CALCOCO1: variants seen among roughly 807,000 people sequenced by gnomAD.
The protein encoded by CALCOCO1 is calcium-binding and coiled-coil domain-containing protein 1.
CALCOCO1 carries 44 observed loss-of-function variants against 86.3 expected under a neutral mutation model. That is an observed-to-expected ratio of 0.51 (90% CI 0.40 to 0.66). CALCOCO1 has a LOEUF of 0.66. Among genes scored for constraint, CALCOCO1 ranks in the 30% least tolerant of loss-of-function variants. CALCOCO1 has a pLI of 0.00. For missense variants in CALCOCO1, 708 were observed against 851.1 expected, an observed-to-expected ratio of 0.83 and a Z score of 2.09; for synonymous variants, 297 against 327.6, an observed-to-expected ratio of 0.91 and a Z score of 1.01.
In CALCOCO1 at chr12:53,715,229, C is replaced by G. The variant is rs374769405; in HGVS notation, c.1357G>C (p.Glu453Gln). 43 of 1,614,060 alleles carry G rather than the reference C, an allele frequency of 2.7e-5. No individual in the cohort carries two copies. The highest frequency in any genetic ancestry group is 3.6e-5 in the Non-Finnish European group (43 of 1,180,028). The change falls in exon 10 of 15, where the codon GAG becomes CAG. Residue 453 changes from glutamate to glutamine, a missense_variant. Glu to Gln is a conservative substitution (Grantham distance 29, BLOSUM62 2). Coordinates refer to ENST00000550804, the MANE Select transcript of CALCOCO1 (RefSeq NM_020898.3). ...CTAGAATCCTTCTCCCGGGCCAGCTCAGTCTTGAACACTTGGTTTTGGGTC... is the reference window on the plus strand; with the variant it reads ...CTAGAATCCTTCTCCCGGGCCAGCTGAGTCTTGAACACTTGGTTTTGGGTC... ...ERTQNQVFKT[E>Q]LAREKDSSLV...
intron 14 of CALCOCO1, chr12:53,712,872 A>AG (rs1195475165): frequency 6.8e-7 from 1 of 1,477,592 alleles, no homozygotes; most frequent in Non-Finnish European, 9.0e-7. Flanking sequence ...AGCCAGTTAA[A>AG]GGCAGGACCT....
At position 53,717,346 on chromosome 12, in the gene CALCOCO1, C is replaced by T. The variant is rs151074743; in HGVS notation, c.850-931G>A. ...CCTCCCAAAATGTTGGGATTACAGGCGTGGGCCACTACACCTGGCCATAAG... is the reference window on the plus strand; with the variant it reads ...CCTCCCAAAATGTTGGGATTACAGGTGTGGGCCACTACACCTGGCCATAAG... On this transcript the variant is annotated intron_variant, in intron 7 of 14. Transcript: ENST00000550804. Among the ~76,000 whole-genome samples, 216 of 152,336 alleles carry T rather than the reference C, an allele frequency of 1.4e-3. 2 individuals are homozygous for T. The highest frequency in any genetic ancestry group is 4.9e-3 in the African/African-American group (203 of 41,582).
At chr12:53,713,929 A>C in intron 12 of CALCOCO1, 29 bp from the exon 13 acceptor site, 1 of 1,519,554 alleles carries the variant, frequency 6.6e-7, no homozygotes, top group Non-Finnish European at 8.8e-7. Context: ...GCAGAGAAGA[A>C]AAAAGGATGT....
intron 7 of CALCOCO1, among the ~76,000 whole-genome samples, chr12:53,719,130 C>CCA (rs918297536): frequency 2.6e-5 from 4 of 151,618 alleles, no homozygotes; most frequent in Admixed American, 6.6e-5. Context: ...CAGGCATGAG[C>CCA]CACTGTGCCT....
intron 9 of CALCOCO1, 33 bp from the exon 10 acceptor site, chr12:53,715,358 T>C: frequency 6.2e-7 from 1 of 1,613,202 alleles, no homozygotes; most frequent in Non-Finnish European, 8.5e-7. Flanking sequence ...AATGGGAGGG[T>C]GGAGGGGGAA....
intron 10 of CALCOCO1, among the ~76,000 whole-genome samples, chr12:53,714,958 G>A (rs889269206): frequency 1.3e-5 from 2 of 152,118 alleles, no homozygotes; most frequent in Non-Finnish European, 2.9e-5. Context: ...CAGAGGCCTT[G>A]GTCATACCAA....
At chr12:53,725,337 CACACTCA>C in intron 1 of CALCOCO1, 71 bp from the exon 2 acceptor site, 5 of 1,018,510 alleles carry the variant, frequency 4.9e-6, no homozygotes, top group South Asian at 3.5e-5. Flanking sequence ...TCCAGCACCA[CACACTCA>C]CAGCCCCTGC....
intron 6 of CALCOCO1, 126 bp from the exon 7 acceptor site, chr12:53,719,955 T>A: frequency 1.7e-6 from 1 of 574,568 alleles, no homozygotes; most frequent in Admixed American, 3.1e-5. Flanking sequence ...CTGGGATGCA[T>A]AAATCCCCAA....
chr12:53,717,480 A>C (rs1179013732), intron 7 of CALCOCO1, among the ~76,000 whole-genome samples: 1 of 152,124 alleles, frequency 6.6e-6, no homozygotes, highest in Non-Finnish European at 1.5e-5. Context: ...TATCTCAAAC[A>C]CTTCACCCGC....
At chr12:53,725,040 C>A in intron 2 of CALCOCO1, 47 bp downstream of exon 2, 1 of 1,521,988 alleles carries the variant, frequency 6.6e-7, no homozygotes, top group South Asian at 1.3e-5. Context: ...CTTATTCCAA[C>A]CAACTCACAG....
chr12:53,718,190 CA>C (rs1945778549), intron 7 of CALCOCO1, among the ~76,000 whole-genome samples: 1 of 151,894 alleles, frequency 6.6e-6, no homozygotes, highest in Non-Finnish European at 1.5e-5. Context: ...GCAAGGTGGA[CA>C]GTTTAAAAAT....
chr12:53,727,049 C>A (rs567217823), intron 1 of CALCOCO1, among the ~76,000 whole-genome samples: 3 of 152,070 alleles, frequency 2.0e-5, no homozygotes, highest in Admixed American at 1.3e-4. Context: ...AGGGATTCAG[C>A]GTCGTAAAGG....
chr12:53,722,248 A>C, intron 4 of CALCOCO1, 65 bp from the exon 5 acceptor site: 1 of 1,581,844 alleles, frequency 6.3e-7, no homozygotes. Flanking sequence ...TCCCATCCTC[A>C]CCACTCTCCA....
At position 53,721,458 on chromosome 12, in the gene CALCOCO1, TC is replaced by T. The variant is rs1344964932; in HGVS notation, c.758+8del. 1.3e-6 allele frequency: 2 copies of T among 1,587,576 alleles called. No individual in the cohort carries two copies. The highest frequency in any genetic ancestry group is 1.7e-6 in the Non-Finnish European group (2 of 1,170,152). On this transcript the variant is annotated splice_region_variant and intron_variant, in intron 6 of 14. Transcript: ENST00000550804. ...AGAGGAAGTGACGGGGTCAGTGGAC[TC>T]CCCTCACCTGTCCAGCTCCACTTCC...
Position 53,724,756 on chromosome 12 carries a change from G to A in CALCOCO1, c.157-9C>T. 6.2e-7 allele frequency: 1 copy of A among 1,605,820 alleles called. No individual in the cohort carries two copies. Among genetic ancestry groups the A allele is most frequent in the Admixed American group, 1.7e-5 (1 of 59,192 alleles). On this transcript the variant is annotated splice_polypyrimidine_tract_variant and intron_variant, in intron 2 of 14. Transcript: ENST00000550804. ...ACACAGGCAGCCTCCACCTGTGAAAGCCCAAGGTTGGAGAAAGGTATGGTC... is the reference window on the plus strand; with the variant it reads ...ACACAGGCAGCCTCCACCTGTGAAAACCCAAGGTTGGAGAAAGGTATGGTC...
At position 53,713,143 on chromosome 12, in the gene CALCOCO1, AG is replaced by A; in HGVS notation, c.1854del (p.Leu619TyrfsTer97). On this transcript the variant is annotated frameshift_variant, in exon 14 of 15. Coordinates refer to ENST00000550804, the MANE Select transcript of CALCOCO1 (RefSeq NM_020898.3). LOFTEE classifies it high-confidence loss of function. Reference protein sequence around the residue: ...AAVQSGGEEANLLLPELGSAF... With the variant: ...AAVQSGGEEAXLLLPELGSAF... ...GCACTGCCCAGTTCAGGAAGCAGTAAGTTGGCCTCCTCACCCCCACTCTGCA... is the reference window on the plus strand; with the variant it reads ...GCACTGCCCAGTTCAGGAAGCAGTAATTGGCCTCCTCACCCCCACTCTGCA... 2 of 1,614,062 alleles carry A rather than the reference AG, an allele frequency of 1.2e-6. No homozygotes were observed. Among genetic ancestry groups the A allele is most frequent in the Non-Finnish European group, 1.7e-6 (2 of 1,179,974 alleles).
chr12:53,714,080 A>G (rs111234062), intron 12 of CALCOCO1, 53 bp downstream of exon 12: 4 of 1,469,224 alleles, frequency 2.7e-6, no homozygotes, highest in African/African-American at 1.4e-5. Flanking sequence ...GCCTTCCTCA[A>G]CAGCGGGAGG....
In CALCOCO1 at chr12:53,715,681, T is replaced by TA; in HGVS notation, c.1260+111dup. On this transcript the variant is annotated intron_variant, in intron 9 of 14. Coordinates refer to ENST00000550804, the MANE Select transcript of CALCOCO1 (RefSeq NM_020898.3). ...AAAGCCCCTCTCCACCCAAGTCCTCTAAGGTTCTCAACCCCTCTTCTCTCC... is the reference window on the plus strand; with the variant it reads ...AAAGCCCCTCTCCACCCAAGTCCTCTAAAGGTTCTCAACCCCTCTTCTCTCC... 1.2e-5 allele frequency: 17 copies of TA among 1,444,860 alleles called. No homozygotes were observed. The South Asian group carries it at 2.1e-4, about 17-fold the overall frequency. 89.5% of individuals were successfully genotyped at this position (1,444,860 alleles called of 1,614,324 possible). A position where few individuals can be genotyped will look rare whatever the true frequency, so the allele number is the denominator to read the frequency against.
Position 53,711,113 on chromosome 12 carries a change from A to G in CALCOCO1, c.*831T>C. 2.5e-6 allele frequency: 1 copy of G among 395,736 alleles called. No homozygotes were observed. The highest frequency in any genetic ancestry group is 4.5e-6 in the Non-Finnish European group (1 of 223,926). 24.5% of individuals were successfully genotyped at this position (395,736 alleles called of 1,614,324 possible). A position where few individuals can be genotyped will look rare whatever the true frequency, so the allele number is the denominator to read the frequency against. On this transcript the variant is annotated 3_prime_UTR_variant, in exon 15 of 15. Coordinates refer to ENST00000550804, the MANE Select transcript of CALCOCO1 (RefSeq NM_020898.3). ...TGATAAGAACACATTTTGTGACAAC[A>G]GTCATACATATCATATAAATATATT...
Sources: allele counts gnomAD v4.1 joint callset (sites outside exome capture counted in the v4.1 genomes callset), GRCh38; gene constraint gnomAD v4.1.1; transcripts MANE v1.5; gene names NCBI Gene and HGNC (gene_info 2026-07-23, HGNC 2026-07-21).